The following WDR41 variants were observed in gnomAD, a reference collection of about 807,000 sequenced individuals.
WDR41 encodes the protein WD repeat domain 41, also known as WD repeat-containing protein 41.
In WDR41, 63 loss-of-function variants were observed where a neutral mutation model predicts 69.3. The ratio of observed to expected loss-of-function variants is 0.91; its 90% confidence interval spans 0.74 to 1.12. The LOEUF (loss-of-function observed/expected upper bound fraction) is 1.12. Ranked by LOEUF, WDR41 falls within the 50% of genes most tolerant of loss-of-function variation. The pLI is 0.00. For missense variants in WDR41, 543 were observed against 534.5 expected (o/e 1.02, Z -0.16); for synonymous variants, 185 against 192.1 (o/e 0.96, Z 0.31).
At chr5:77,608,153 G>A (rs1177042022) in intron 1 of WDR41, among the ~76,000 whole-genome samples, 1 of 152,124 alleles carries the variant, frequency 6.6e-6, no homozygotes, top group Admixed American at 6.5e-5. Context: ...GGTACTTAAT[G>A]TAAGTGGAAT....
rs1312254942 is a variant in WDR41, at chr5:77,471,546, G to A, written c.168-6737C>T. ...GAACGCTAGTAAGACTAATAAAGAA[G>A]AAAAGAGAGAAGAATCAAATAGACG... On this transcript the variant is annotated intron_variant, in intron 2 of 12. Coordinates refer to ENST00000296679, the MANE Select transcript of WDR41 (RefSeq NM_018268.4). Among the ~76,000 whole-genome samples the A allele has an allele frequency of 3.3e-5, 5 of 152,010 alleles. No individual in the cohort carries two copies. In the South Asian group the frequency reaches 6.2e-4, roughly 19 times the overall value.
At chr5:77,577,498 C>T (rs1743856597) in intron 1 of WDR41, among the ~76,000 whole-genome samples, 1 of 151,918 alleles carries the variant, frequency 6.6e-6, no homozygotes, top group African/African-American at 2.4e-5. Flanking sequence ...ATTATTAGTT[C>T]CGATAACACA....
intron 1 of WDR41, among the ~76,000 whole-genome samples, chr5:77,605,998 G>C (rs1481170527): frequency 6.6e-6 from 1 of 152,134 alleles, no homozygotes; most frequent in African/African-American, 2.4e-5. Context: ...TTAAGAAATG[G>C]TATGGTCAAA....
At chr5:77,463,021 C>T in intron 4 of WDR41, 74 bp downstream of exon 4, 1 of 1,490,168 alleles carries the variant, frequency 6.7e-7, no homozygotes, top group Non-Finnish European at 9.0e-7. Context: ...ACCCTATCAG[C>T]TAAAGACTAA....
chr5:77,451,148 GTC>G (rs1444779950), intron 7 of WDR41, 141 bp downstream of exon 7: 1 of 684,040 alleles, frequency 1.5e-6, no homozygotes, highest in African/African-American at 1.8e-5. Flanking sequence ...AAATGTCTTA[GTC>G]TCTGTATCAC....
At chr5:77,540,382 T>A (rs1005685328) in intron 1 of WDR41, 1 of 152,238 alleles carries the variant, frequency 6.6e-6, no homozygotes, top group Non-Finnish European at 1.5e-5. Context: ...TAGACATTTA[T>A]AAGCTATGCT....
chr5:77,512,331 T>TGAGTGAGA (rs1554034068), intron 1 of WDR41, among the ~76,000 whole-genome samples: 9 of 87,930 alleles, frequency 1.0e-4, no homozygotes, highest in African/African-American at 4.7e-4. Flanking sequence ...ATGGGGTGAG[T>TGAGTGAGA]GAGAGAGAGA....
At chr5:77,607,972 A>C (rs1374614322) in intron 1 of WDR41, among the ~76,000 whole-genome samples, 1 of 152,178 alleles carries the variant, frequency 6.6e-6, no homozygotes, top group African/African-American at 2.4e-5. Context: ...GCATAAAATA[A>C]AATTTACCAC....
At chr5:77,574,127 G>A (rs991762397) in intron 1 of WDR41, among the ~76,000 whole-genome samples, 5 of 151,840 alleles carry the variant, frequency 3.3e-5, no homozygotes, top group Non-Finnish European at 1.5e-5. Context: ...GTAAAACCCT[G>A]TCTCTACTAA....
intron 1 of WDR41, among the ~76,000 whole-genome samples, chr5:77,509,672 G>A (rs75815634): frequency 0.042 from 6,404 of 152,240 alleles, 158 homozygotes; most frequent in Middle Eastern, 0.11. Flanking sequence ...GTGGATTAGT[G>A]GTTGCTTACG....
At chr5:77,576,500 T>C (rs753895786) in intron 1 of WDR41, among the ~76,000 whole-genome samples, 22 of 152,160 alleles carry the variant, frequency 1.4e-4, no homozygotes, top group Non-Finnish European at 3.2e-4. Flanking sequence ...TGACCTGATA[T>C]AAGCCACTCT....
At chr5:77,445,655 C>A (rs890659755) in intron 8 of WDR41, among the ~76,000 whole-genome samples, 4 of 152,184 alleles carry the variant, frequency 2.6e-5, no homozygotes, top group African/African-American at 9.7e-5. Flanking sequence ...ATCACACAAA[C>A]AGAACCAATG....
chr5:77,502,524 A>G (rs768949962), intron 1 of WDR41, among the ~76,000 whole-genome samples: 3 of 152,204 alleles, frequency 2.0e-5, no homozygotes, highest in Non-Finnish European at 4.4e-5. Flanking sequence ...AGATAACACC[A>G]CAAAGATACT....
At chr5:77,583,349 TA>T (rs773427037) in intron 1 of WDR41, among the ~76,000 whole-genome samples, 645 of 136,524 alleles carry the variant, frequency 4.7e-3, no homozygotes, top group Admixed American at 5.0e-3. Context: ...ACTCCATCTC[TA>T]AAAAAAAAAA....
intron 5 of WDR41, among the ~76,000 whole-genome samples, chr5:77,456,035 C>G (rs1017941289): frequency 6.6e-6 from 1 of 151,672 alleles, no homozygotes; most frequent in East Asian, 1.9e-4. Flanking sequence ...TGGGTTCAAT[C>G]TGTAGATCAA....
At chr5:77,511,425 TA>T (rs1470819212) in intron 1 of WDR41, among the ~76,000 whole-genome samples, 2 of 152,240 alleles carry the variant, frequency 1.3e-5, no homozygotes, top group African/African-American at 2.4e-5. Flanking sequence ...TTTTCATTCA[TA>T]ATTATAGTTT....
chr5:77,500,441 G>A (rs775713698), intron 1 of WDR41, among the ~76,000 whole-genome samples: 1 of 151,616 alleles, frequency 6.6e-6, no homozygotes, highest in Non-Finnish European at 1.5e-5. Context: ...TAGCAAGACT[G>A]ACAAAGAAAA....
intron 3 of WDR41, 135 bp downstream of exon 3, chr5:77,464,626 A>G: frequency 1.1e-6 from 1 of 884,882 alleles, no homozygotes; most frequent in Non-Finnish European, 1.8e-6. Flanking sequence ...ATTTATCCTA[A>G]TTAGCTCTTT....
At chr5:77,567,189 A>T (rs559078237) in intron 1 of WDR41, among the ~76,000 whole-genome samples, 28 of 152,324 alleles carry the variant, frequency 1.8e-4, no homozygotes, top group Non-Finnish European at 3.4e-4. Context: ...GTTTTGGAAT[A>T]GCATGAATAA....
Sources: allele counts gnomAD v4.1 joint callset (sites outside exome capture counted in the v4.1 genomes callset), GRCh38; gene constraint gnomAD v4.1.1; transcripts MANE v1.5; gene names NCBI Gene and HGNC (gene_info 2026-07-23, HGNC 2026-07-21).